SAFB: variants seen among roughly 807,000 people sequenced by gnomAD.
SAFB encodes the protein scaffold attachment factor B1.
Under a neutral mutation model 101.6 loss-of-function variants are expected in SAFB, and 15 were observed. The observed-to-expected ratio is 0.15, with a 90% CI of 0.10 to 0.23. The LOEUF is 0.23. Among genes scored for constraint, SAFB ranks in the 10% least tolerant of loss-of-function variants. SAFB has a pLI of 1.00. For synonymous variants in SAFB, 449 were observed against 407.5 expected (o/e 1.10, Z -1.23); for missense variants, 930 against 1,104.1 (o/e 0.84, Z 2.23).
chr19:5,659,833 C>G (rs556303377), intron 14 of SAFB, among the ~76,000 whole-genome samples: 208 of 152,298 alleles, frequency 1.4e-3, no homozygotes, highest in Middle Eastern at 6.8e-3. Context: ...CTAGAGTGTT[C>G]CAGACCCTAG....
At chr19:5,642,765 T>G (rs997976501) in intron 4 of SAFB, among the ~76,000 whole-genome samples, 2 of 146,174 alleles carry the variant, frequency 1.4e-5, no homozygotes, top group Non-Finnish European at 3.0e-5. Flanking sequence ...TGGGTTCAAG[T>G]GATCTCCTCC....
In SAFB at chr19:5,667,815, TC is replaced by T. The variant is rs773214818; in HGVS notation, c.2558-3del. 2 of 1,614,018 alleles carry T rather than the reference TC, an allele frequency of 1.2e-6. No individual in the cohort carries two copies. The highest frequency in any genetic ancestry group is 1.1e-5 in the South Asian group (1 of 91,078). The stretch of plus-strand genomic sequence containing the variant: ...TCCCTGTGTGAAAGCACGTCTGTCT[TC>T]CAGGTGGCGAGAGAAGCATGTCCGG... On this transcript the variant is annotated splice_polypyrimidine_tract_variant and splice_region_variant and intron_variant, in intron 19 of 20. Transcript: ENST00000588852. The surrounding 1 kb of genome is among the most constrained non-coding windows in gnomAD (Gnocchi z 4.0).
In SAFB at chr19:5,623,219, T is replaced by C; in HGVS notation, c.14T>C (p.Leu5Pro). 6.3e-7 allele frequency: 1 copy of C among 1,597,494 alleles called. No individual in the cohort carries two copies. Among genetic ancestry groups the C allele is most frequent in the South Asian group, 1.1e-5 (1 of 89,204 alleles). The change falls in exon 1 of 21, where the codon CTG becomes CCG. Residue 5 changes from leucine to proline, a missense_variant. Physicochemically the swap from Leu to Pro is moderately conservative, Grantham distance 98. This residue lies in a region of SAFB where 44 missense variants were observed against 35.8 expected (regional missense o/e 1.23). Coordinates refer to ENST00000588852, the MANE Select transcript of SAFB (RefSeq NM_001201338.2). Reference sequence around the variant, plus strand: ...AGGGTCCCTGGAATGGCGGAGACTCTGTCAGGCCTAGGTGATTCTGGAGCG... The same window carrying C: ...AGGGTCCCTGGAATGGCGGAGACTCCGTCAGGCCTAGGTGATTCTGGAGCG... MAET[L>P]SGLGDSGAAG...
At chr19:5,634,278 A>G (rs2053549966) in intron 2 of SAFB, among the ~76,000 whole-genome samples, 1 of 152,066 alleles carries the variant, frequency 6.6e-6, no homozygotes, top group Admixed American at 6.5e-5. Flanking sequence ...AAATTTTATA[A>G]TGTGTTCCAT....
In SAFB at chr19:5,649,052, G is replaced by A. The variant is rs2053881854; in HGVS notation, c.701G>A (p.Ser234Asn). 5 of 494,676 alleles carry A rather than the reference G, an allele frequency of 1.0e-5. No individual in the cohort carries two copies. The highest frequency in any genetic ancestry group is 1.7e-5 in the Non-Finnish European group (5 of 288,962). 30.6% of individuals were successfully genotyped at this position (494,676 alleles called of 1,614,324 possible). The change falls in exon 7 of 21, where the codon AGT (serine) becomes AAT (asparagine). Residue 234 changes from serine (S) to asparagine (N), a missense_variant. This residue lies in a region of SAFB where 130 missense variants were observed against 114.2 expected (regional missense o/e 1.14). Transcript: ENST00000588852. ...TCKSEPVKEE[S>N]SELEQPFAQD... ...AAATCTGAGCCAGTAAAAGAAGAAA[G>A]TTCCGAGCTGGAGCAGCCATTTGCA...
At position 5,664,399 on chromosome 19, in the gene SAFB, G is replaced by GAGA. The variant is rs2054284020; in HGVS notation, c.2297_2299dup (p.Glu766dup). On this transcript the variant is annotated inframe_insertion, in exon 17 of 21. Transcript: ENST00000588852. ...TTTGATTTAAATTGCCTTTTCAGGA[G>GAGA]AGAAGGTTCAAGGTCAATGATGGGA... The GAGA allele has an allele frequency of 6.2e-7, 1 of 1,613,188 alleles. No individual in the cohort carries two copies. Among genetic ancestry groups the GAGA allele is most frequent in the Admixed American group, 1.7e-5 (1 of 60,006 alleles).
intron 1 of SAFB, 59 bp downstream of exon 1, chr19:5,623,453 C>A (rs975661377): frequency 6.9e-7 from 1 of 1,439,642 alleles, no homozygotes; most frequent in Non-Finnish European, 9.4e-7. Flanking sequence ...TTGGCCGCGA[C>A]GGTGGCTCGC....
chr19:5,636,303 G>A (rs529749972), intron 2 of SAFB, among the ~76,000 whole-genome samples: 5 of 152,164 alleles, frequency 3.3e-5, no homozygotes, highest in Admixed American at 3.3e-4. Flanking sequence ...AGAAACCAAC[G>A]TACGTATCAT....
intron 2 of SAFB, among the ~76,000 whole-genome samples, chr19:5,634,698 A>C (rs1028761674): frequency 3.3e-5 from 5 of 152,242 alleles, no homozygotes; most frequent in Admixed American, 3.3e-4. Flanking sequence ...AACCCAGTCA[A>C]CAAGGAGCAG....
At chr19:5,654,283 C>A in intron 12 of SAFB, 83 bp downstream of exon 12, 7 of 1,593,550 alleles carry the variant, frequency 4.4e-6, no homozygotes, top group Non-Finnish European at 6.0e-6. Flanking sequence ...TAGCTGGCAA[C>A]GGAAACTGGA....
In SAFB at chr19:5,667,942, T is replaced by C; in HGVS notation, c.2624+56T>C. 6.6e-7 allele frequency: 1 copy of C among 1,519,234 alleles called. No individual in the cohort carries two copies. The allele number at this position is 1,519,234 out of a possible 1,614,324, so 94.1% of individuals were successfully genotyped here. On this transcript the variant is annotated intron_variant, in intron 20 of 20. Transcript: ENST00000588852. This position sits in a 1 kb window ranked among gnomAD's most constrained non-coding sequence, Gnocchi z 4.0. ...CCCTGCTTTGCATATTGGCCTACCT[T>C]GCTGGAGGCTTAACAACCAAGTCCT...
At chr19:5,630,221 G>T (rs186239799) in intron 2 of SAFB, among the ~76,000 whole-genome samples, 1 of 152,070 alleles carries the variant, frequency 6.6e-6, no homozygotes, top group African/African-American at 2.4e-5. Flanking sequence ...TGAGATTTTC[G>T]TTTGCATTTC....
intron 14 of SAFB, among the ~76,000 whole-genome samples, chr19:5,657,650 G>GAGT (rs1599373403): frequency 1.3e-5 from 2 of 152,034 alleles, no homozygotes; most frequent in East Asian, 3.9e-4. Context: ...TCAGCCTCCT[G>GAGT]AGTAGCTGGG....
At chr19:5,664,789 T>G (rs2054292167) in intron 17 of SAFB, 1 of 280,410 alleles carries the variant, frequency 3.6e-6, no homozygotes, top group South Asian at 3.7e-5. Flanking sequence ...CAGGTGCATC[T>G]GGGGAGGCTG....
In SAFB at chr19:5,667,316, C is replaced by A; in HGVS notation, c.2454-31C>A. Reference sequence around the variant, plus strand: ...TTAGCACAAGAGCCAGAGATGGGGGCAATCCAAATCAGAGATGTCTCTCTT... The same window carrying A: ...TTAGCACAAGAGCCAGAGATGGGGGAAATCCAAATCAGAGATGTCTCTCTT... On this transcript the variant is annotated intron_variant, in intron 18 of 20. Coordinates refer to ENST00000588852, the MANE Select transcript of SAFB (RefSeq NM_001201338.2). This position sits in a 1 kb window ranked among gnomAD's most constrained non-coding sequence, Gnocchi z 4.0. The A allele has an allele frequency of 7.0e-7, 1 of 1,430,480 alleles. No individual in the cohort carries two copies. Among genetic ancestry groups the A allele is most frequent in the South Asian group, 1.4e-5 (1 of 70,308 alleles). The allele number at this position is 1,430,480 out of a possible 1,614,324, so 88.6% of individuals were successfully genotyped here.
At chr19:5,649,562 A>T (rs2053891043) in intron 7 of SAFB, 63 bp downstream of exon 7, 1 of 363,834 alleles carries the variant, frequency 2.7e-6, no homozygotes, top group African/African-American at 2.4e-5. Context: ...GTAATGACAC[A>T]CATAAGCTGT....
rs1339363960 is a variant in SAFB at position 5,664,644 on chromosome 19, CTG to C, written c.2334+206_2334+207del. The C allele has an allele frequency of 9.4e-5, 50 of 534,718 alleles. No homozygotes were observed. The Admixed American group carries it at 1.5e-3, about 16-fold the overall frequency. 33.1% of individuals were successfully genotyped at this position (534,718 alleles called of 1,614,324 possible). A position where few individuals can be genotyped will look rare whatever the true frequency, so the allele number is the denominator to read the frequency against. On this transcript the variant is annotated intron_variant, in intron 17 of 20. Transcript: ENST00000588852. The stretch of plus-strand genomic sequence containing the variant: ...TTGGCTGTCAGTCCAAACAGTTACT[CTG>C]AAGCTGTTTTTAGCCTTGACCCTGG...
intron 1 of SAFB, among the ~76,000 whole-genome samples, chr19:5,624,586 C>G (rs771541663): frequency 6.6e-6 from 1 of 152,172 alleles, no homozygotes; most frequent in Non-Finnish European, 1.5e-5. Flanking sequence ...ACCCCCCAGC[C>G]CCTGCAGGCA....
chr19:5,642,495 A>T (rs1218161557), intron 4 of SAFB, among the ~76,000 whole-genome samples: 1 of 151,912 alleles, frequency 6.6e-6, no homozygotes, highest in Non-Finnish European at 1.5e-5. Flanking sequence ...GCCAGTTGAT[A>T]CCTATCTTAA....
Sources: gnomAD v4.1 joint callset for allele counts (sites outside exome capture counted in the v4.1 genomes callset) on GRCh38, gnomAD v4.1.1 for gene constraint, gnomAD v4.1.1 regional missense constraint, Gnocchi (gnomAD v3.1) non-coding constraint, MANE v1.5 for transcripts, NCBI Gene and HGNC (gene_info 2026-07-23, HGNC 2026-07-21) for gene names.